Variants in PKP4 observed in about 807,000 individuals in gnomAD.
PKP4 encodes plakophilin 4.
In PKP4, 90 loss-of-function variants were observed where a neutral mutation model predicts 145.1. The observed-to-expected ratio is 0.62, with a 90% CI of 0.52 to 0.74. PKP4 has a LOEUF of 0.74. PKP4 is among the 30% of genes least tolerant of loss of function. PKP4 has a pLI of 0.00. For missense variants in PKP4, 1,340 were observed against 1,482.7 expected, an observed-to-expected ratio of 0.90 and a Z score of 1.58; for synonymous variants, 563 against 577.2, an observed-to-expected ratio of 0.98 and a Z score of 0.35.
intron 1 of PKP4, among the ~76,000 whole-genome samples, chr2:158,500,199 A>G (rs1293833689): frequency 1.3e-5 from 2 of 152,172 alleles, no homozygotes; most frequent in Non-Finnish European, 2.9e-5. Flanking sequence ...AAGAAGTTGG[A>G]ATGTCCTAAC....
intron 3 of PKP4, among the ~76,000 whole-genome samples, chr2:158,582,252 A>G (rs769026123): frequency 1.3e-5 from 2 of 152,236 alleles, no homozygotes; most frequent in African/African-American, 4.8e-5. Flanking sequence ...ATTGAGTAGC[A>G]TATAGTTATA....
intron 4 of PKP4, among the ~76,000 whole-genome samples, chr2:158,611,225 C>G (rs1171049154): frequency 1.3e-5 from 2 of 152,156 alleles, no homozygotes; most frequent in Non-Finnish European, 2.9e-5. Flanking sequence ...AAAACTGATT[C>G]TATAACTTCA....
intron 2 of PKP4, among the ~76,000 whole-genome samples, chr2:158,551,664 G>A (rs1327475738): frequency 6.6e-6 from 1 of 151,976 alleles, no homozygotes; most frequent in Non-Finnish European, 1.5e-5. Context: ...TTAAATCTTT[G>A]CAACTATTTA....
chr2:158,490,583 AGTT>A (rs1168543818), intron 1 of PKP4, among the ~76,000 whole-genome samples: 3 of 152,244 alleles, frequency 2.0e-5, no homozygotes, highest in Non-Finnish European at 4.4e-5. Flanking sequence ...GGAAATAGCA[AGTT>A]GGGATAAGCA....
intron 1 of PKP4, among the ~76,000 whole-genome samples, chr2:158,465,043 T>TC (rs376993268): frequency 5.3e-5 from 8 of 152,246 alleles, no homozygotes; most frequent in African/African-American, 1.9e-4. Context: ...GATGACTTCC[T>TC]CCAGGGATAC....
chr2:158,671,678 A>G (rs1010103815), intron 17 of PKP4, among the ~76,000 whole-genome samples: 1 of 152,262 alleles, frequency 6.6e-6, no homozygotes, highest in Non-Finnish European at 1.5e-5. Flanking sequence ...GGCTTGCAGC[A>G]GCAGACAGGT....
intron 1 of PKP4, among the ~76,000 whole-genome samples, chr2:158,523,331 C>A (rs2042605764): frequency 1.1e-5 from 1 of 92,064 alleles, no homozygotes; most frequent in South Asian, 5.4e-4. Flanking sequence ...CCCCTGACCC[C>A]CGAGCAGCCT....
intron 1 of PKP4, among the ~76,000 whole-genome samples, chr2:158,483,727 T>C (rs923962774): frequency 6.6e-6 from 1 of 152,202 alleles, no homozygotes; most frequent in African/African-American, 2.4e-5. Context: ...CACTAAAGTT[T>C]ACTCTTGAAT....
chr2:158,483,336 T>C (rs1355480478), intron 1 of PKP4, among the ~76,000 whole-genome samples: 2 of 151,670 alleles, frequency 1.3e-5, no homozygotes, highest in Non-Finnish European at 2.9e-5. Flanking sequence ...TTCTTTTCTG[T>C]GTATAAACAG....
intron 1 of PKP4, among the ~76,000 whole-genome samples, chr2:158,485,130 T>C (rs1351594504): frequency 6.6e-6 from 1 of 152,168 alleles, no homozygotes; most frequent in Admixed American, 6.5e-5. Flanking sequence ...GGCCCACCCT[T>C]CTCTATAATT....
chr2:158,596,566 C>T (rs191407815), intron 3 of PKP4, among the ~76,000 whole-genome samples: 39 of 150,932 alleles, frequency 2.6e-4, no homozygotes, highest in African/African-American at 9.5e-4. Flanking sequence ...TATTGTGTAC[C>T]AGGCACAGTG....
chr2:158,592,589 A>G (rs898811748), intron 3 of PKP4, among the ~76,000 whole-genome samples: 1 of 152,130 alleles, frequency 6.6e-6, no homozygotes, highest in African/African-American at 2.4e-5. Flanking sequence ...AAATTTATTA[A>G]TGAAATTTTT....
intron 2 of PKP4, among the ~76,000 whole-genome samples, chr2:158,554,159 G>A (rs2045870161): frequency 6.7e-6 from 1 of 149,912 alleles, no homozygotes. Flanking sequence ...GCTTTACCAT[G>A]CTTCCTCCTC....
intron 2 of PKP4, among the ~76,000 whole-genome samples, chr2:158,550,112 C>A: frequency 9.1e-6 from 1 of 109,926 alleles, no homozygotes; most frequent in East Asian, 2.2e-4. Flanking sequence ...ATAGATCTCT[C>A]AGAATAAAAC....
intron 3 of PKP4, among the ~76,000 whole-genome samples, chr2:158,581,701 G>T (rs1357371604): frequency 1.3e-5 from 2 of 152,122 alleles, no homozygotes; most frequent in African/African-American, 4.8e-5. Context: ...GCCAGAAGAT[G>T]TTTCCATTTT....
chr2:158,637,918 G>A (rs568826666), intron 9 of PKP4, among the ~76,000 whole-genome samples: 5 of 152,338 alleles, frequency 3.3e-5, no homozygotes, highest in Admixed American at 2.0e-4. Flanking sequence ...CATCGAGGTT[G>A]GAGTTGAAGC....
chr2:158,663,881 G>A (rs776907250), intron 15 of PKP4, among the ~76,000 whole-genome samples: 1 of 152,212 alleles, frequency 6.6e-6, no homozygotes, highest in Non-Finnish European at 1.5e-5. Flanking sequence ...TGAGGCTGTG[G>A]TATGGAAGGA....
intron 14 of PKP4, 23 bp downstream of exon 14, chr2:158,663,111 G>C: frequency 1.9e-6 from 3 of 1,566,646 alleles, no homozygotes; most frequent in South Asian, 2.4e-5. Flanking sequence ...TTTTATATGA[G>C]ACTCTCAAGT....
At chr2:158,615,799 G>T (rs1159747075) in intron 4 of PKP4, among the ~76,000 whole-genome samples, 1 of 152,190 alleles carries the variant, frequency 6.6e-6, no homozygotes, top group Non-Finnish European at 1.5e-5. Flanking sequence ...AGAGTTTAAA[G>T]TGAAGTAGAA....
Sources: allele counts gnomAD v4.1 joint callset (sites outside exome capture counted in the v4.1 genomes callset), GRCh38; gene constraint gnomAD v4.1.1; transcripts MANE v1.5; gene names NCBI Gene and HGNC (gene_info 2026-07-23, HGNC 2026-07-21).